HSPA12B: variants seen among roughly 807,000 people sequenced by gnomAD.
The protein encoded by HSPA12B is heat shock 70 kDa protein 12B.
A neutral mutation model predicts 69.3 loss-of-function variants in HSPA12B; 54 were observed. The ratio of observed to expected loss-of-function variants is 0.78; its 90% CI spans 0.63 to 0.98. The LOEUF is 0.98. Among genes scored for constraint, HSPA12B ranks in the 50% least tolerant of loss-of-function variants. HSPA12B has a pLI of 0.00. For missense variants in HSPA12B, 929 were observed against 999.8 expected (o/e 0.93, Z 0.96); for synonymous variants, 441 against 436.5 (o/e 1.01, Z -0.13).
chr20:3,741,959 T>C (rs1212352411), intron 3 of HSPA12B, among the ~76,000 whole-genome samples: 4 of 137,198 alleles, frequency 2.9e-5, no homozygotes, highest in Non-Finnish European at 3.1e-5. Context: ...CCCAGACTAA[T>C]GGCTGCCTAT....
At position 3,751,925 on chromosome 20, in the gene HSPA12B, A is replaced by G. The variant is rs1600334124; in HGVS notation, c.1820A>G (p.Asn607Ser). 2 of 1,587,418 alleles carry G rather than the reference A, an allele frequency of 1.3e-6. No homozygotes were observed. Among genetic ancestry groups the G allele is most frequent in the South Asian group, 2.3e-5 (2 of 88,864 alleles). Residue 607 changes from asparagine (N) to serine (S), a missense_variant, in exon 13 of 13, where the codon AAC becomes AGC. Physicochemically the swap from Asn to Ser is conservative, Grantham distance 46 (BLOSUM62 1). This residue lies in a region of HSPA12B where 448 missense variants were observed against 448.1 expected (regional missense o/e 1.00). Transcript: ENST00000254963. ...ARPGQRRVLI[N>S]LYCCAAEDAR... ...CCCGGCCAGCGGCGCGTACTCATCA[A>G]CCTGTACTGCTGCGCGGCAGAGGAT...
Position 3,749,776 on chromosome 20 carries a change from G to T in HSPA12B, c.964G>T (p.Gly322Cys). The change falls in exon 10 of 13, where the codon GGC becomes TGC. Residue 322 changes from glycine to cysteine, a missense_variant. Gly to Cys is a radical substitution (Grantham distance 159). This residue lies in a region of HSPA12B where 477 missense variants were observed against 535.2 expected (regional missense o/e 0.89). Transcript: ENST00000254963. This position sits in a 1 kb window ranked among gnomAD's most constrained non-coding sequence, Gnocchi z 5.5. The stretch of plus-strand genomic sequence containing the variant: ...AGACCGCTACGTGGTGGCCGACTGC[G>T]GCGGAGGCACCGTGGACCTGACGGT... ...AGDRYVVADC[G>C]GGTVDLTVHQ... The T allele has an allele frequency of 6.2e-7, 1 of 1,604,018 alleles. No individual in the cohort carries two copies. The highest frequency in any genetic ancestry group is 8.5e-7 in the Non-Finnish European group (1 of 1,177,484).
Position 3,752,298 on chromosome 20 carries a change from G to A in HSPA12B, c.*132G>A, listed in dbSNP as rs1421325717. 1 of 875,924 alleles carries A rather than the reference G, an allele frequency of 1.1e-6. No individual in the cohort carries two copies. The highest frequency in any genetic ancestry group is 1.8e-5 in the African/African-American group (1 of 55,762). 54.3% of individuals were successfully genotyped at this position (875,924 alleles called of 1,614,324 possible). ...CGCCTTTCCACGCCCTCCAGCCCCG[G>A]GGGAGATAAGGTCATGGGAGAGTGG... On this transcript the variant is annotated 3_prime_UTR_variant, in exon 13 of 13. Transcript: ENST00000254963.
chr20:3,737,110 A>G lies in HSPA12B; in HGVS notation c.-17-1548A>G, dbSNP rs999848402. 2.0e-5 allele frequency among the ~76,000 whole-genome samples: 3 copies of G among 151,198 alleles called. No individual in the cohort carries two copies. The highest frequency in any genetic ancestry group is 7.3e-5 in the African/African-American group (3 of 41,050). ...TAAATAAATAAATAAATAAATATGAAATACATGTTCTGATTCAGCAGGTCT... is the reference window on the plus strand; with the variant it reads ...TAAATAAATAAATAAATAAATATGAGATACATGTTCTGATTCAGCAGGTCT... On this transcript the variant is annotated intron_variant, in intron 1 of 12. Transcript: ENST00000254963. This position sits in a 1 kb window ranked among gnomAD's most constrained non-coding sequence, Gnocchi z 4.1.
At chr20:3,734,714 T>C (rs1047247334) in intron 1 of HSPA12B, among the ~76,000 whole-genome samples, 1 of 149,818 alleles carries the variant, frequency 6.7e-6, no homozygotes, top group African/African-American at 2.5e-5. Context: ...GGGGAATCCG[T>C]GGGATCCTCC....
intron 1 of HSPA12B, among the ~76,000 whole-genome samples, chr20:3,735,765 C>T (rs1306663971): frequency 6.6e-6 from 1 of 151,982 alleles, no homozygotes; most frequent in East Asian, 1.9e-4. Flanking sequence ...GGCGCCCGGC[C>T]CAGAGTCTTT....
At chr20:3,750,591 C>T in intron 11 of HSPA12B, 1 of 897,280 alleles carries the variant, frequency 1.1e-6, no homozygotes, top group Non-Finnish European at 1.3e-6. Flanking sequence ...GTACCTGGAA[C>T]CTGGAGCAGG....
chr20:3,742,834 A>C (rs1440884430), intron 4 of HSPA12B, among the ~76,000 whole-genome samples: 2 of 151,522 alleles, frequency 1.3e-5, no homozygotes, highest in Non-Finnish European at 2.9e-5. Context: ...AGTAGCTGGG[A>C]ATACAGGTGT....
At chr20:3,734,957 C>G (rs13036736) in intron 1 of HSPA12B, among the ~76,000 whole-genome samples, 1 of 151,752 alleles carries the variant, frequency 6.6e-6, no homozygotes, top group Admixed American at 6.6e-5. Context: ...AGGCTGGTCT[C>G]GAACTCCTGA....
chr20:3,751,379 C>A, intron 12 of HSPA12B, 132 bp from the exon 13 acceptor site: 2 of 1,343,984 alleles, frequency 1.5e-6, no homozygotes, highest in Non-Finnish European at 1.9e-6. Flanking sequence ...TGGCTACTTT[C>A]TAGTCGCCAG....
intron 7 of HSPA12B, among the ~76,000 whole-genome samples, chr20:3,746,380 G>C (rs1266952296): frequency 7.7e-6 from 1 of 130,658 alleles, no homozygotes; most frequent in Non-Finnish European, 1.5e-5. Flanking sequence ...TCGGCTCACT[G>C]CAAGCTCTGC....
intron 4 of HSPA12B, 136 bp downstream of exon 4, chr20:3,742,544 G>T (rs1319194687): frequency 7.7e-6 from 5 of 650,664 alleles, no homozygotes; most frequent in Non-Finnish European, 1.3e-5. Context: ...TCCCCACTGG[G>T]GTAAAAGTTG....
intron 12 of HSPA12B, 188 bp from the exon 13 acceptor site, chr20:3,751,323 C>T (rs2088416082): frequency 2.0e-6 from 2 of 985,314 alleles, no homozygotes; most frequent in Non-Finnish European, 2.4e-6. Flanking sequence ...GTTGGGGAGG[C>T]GAAGCCCTCG....
At chr20:3,750,700 C>CTTCT in intron 11 of HSPA12B, 104 bp from the exon 12 acceptor site, 7 of 1,593,350 alleles carry the variant, frequency 4.4e-6, no homozygotes, top group Non-Finnish European at 6.0e-6. Context: ...TGCCCAGGCA[C>CTTCT]TTCTGCCTGG....
chr20:3,749,326 G>A lies in HSPA12B; in HGVS notation c.937+8G>A, dbSNP rs2088366165. The A allele has an allele frequency of 6.2e-7, 1 of 1,611,392 alleles. No homozygotes were observed. Among genetic ancestry groups the A allele is most frequent in the South Asian group, 1.1e-5 (1 of 90,774 alleles). ...GGGCAGAGATGCAAGCAGGTAGGGG[G>A]AAAGGGGGACGGAGTGTTATCCTTG... On this transcript the variant is annotated splice_region_variant and intron_variant, in intron 9 of 12. Coordinates refer to ENST00000254963, the MANE Select transcript of HSPA12B (RefSeq NM_052970.5). The surrounding 1 kb of genome is among the most constrained non-coding windows in gnomAD (Gnocchi z 5.5).
chr20:3,745,488 G>A lies in HSPA12B; in HGVS notation c.454-5G>A. On this transcript the variant is annotated splice_region_variant and splice_polypyrimidine_tract_variant and intron_variant, in intron 5 of 12. Coordinates refer to ENST00000254963, the MANE Select transcript of HSPA12B (RefSeq NM_052970.5). This position sits in a 1 kb window ranked among gnomAD's most constrained non-coding sequence, Gnocchi z 5.6. ...TCCTGCAGAGCCGCCCTGTGTCCCT[G>A]CCAGGATCTCACCTTGAAGACCCAG... The A allele has an allele frequency of 6.2e-7, 1 of 1,612,058 alleles. No individual in the cohort carries two copies. Among genetic ancestry groups the A allele is most frequent in the Non-Finnish European group, 8.5e-7 (1 of 1,178,120 alleles).
chr20:3,734,185 T>C (rs2088072756), intron 1 of HSPA12B, among the ~76,000 whole-genome samples: 1 of 151,380 alleles, frequency 6.6e-6, no homozygotes, highest in Non-Finnish European at 1.5e-5. Context: ...GGAGCGGGAG[T>C]GGGGGCAGGG....
intron 11 of HSPA12B, 59 bp downstream of exon 11, chr20:3,750,286 T>G: frequency 2.0e-6 from 3 of 1,493,084 alleles, no homozygotes; most frequent in Non-Finnish European, 2.7e-6. Context: ...GACCGTGCAC[T>G]GGAGGGTCCC....
At chr20:3,741,193 G>A (rs2088195919) in intron 3 of HSPA12B, among the ~76,000 whole-genome samples, 1 of 152,112 alleles carries the variant, frequency 6.6e-6, no homozygotes. Flanking sequence ...AAGCTGGCCT[G>A]GCTGAGGCAA....
Sources: allele counts gnomAD v4.1 joint callset (sites outside exome capture counted in the v4.1 genomes callset), GRCh38; gene constraint gnomAD v4.1.1; regional missense constraint gnomAD v4.1.1; non-coding constraint Gnocchi (gnomAD v3.1); transcripts MANE v1.5; gene names NCBI Gene and HGNC (gene_info 2026-07-23, HGNC 2026-07-21).